DPYD: variants seen among roughly 807,000 people sequenced by gnomAD.
The protein encoded by DPYD is dihydropyrimidine dehydrogenase [NADP(+)].
A neutral mutation model predicts 116.2 loss-of-function variants in DPYD; 109 were observed. The ratio of observed to expected loss-of-function variants is 0.94; its 90% CI spans 0.80 to 1.10. DPYD has a LOEUF of 1.10. Among genes scored for constraint, DPYD ranks in the 50% least tolerant of loss-of-function variants. The probability of loss-of-function intolerance (pLI) is 0.00; values close to 1 mark genes in which losing one functional copy is unlikely to be tolerated. For missense variants in DPYD, 1,302 were observed against 1,254.5 expected, an observed-to-expected ratio of 1.04 and a Z score of -0.57; for synonymous variants, 440 against 432.0, an observed-to-expected ratio of 1.02 and a Z score of -0.23.
At chr1:97,402,241 C>T (rs1385550829) in intron 14 of DPYD, among the ~76,000 whole-genome samples, 1 of 152,048 alleles carries the variant, frequency 6.6e-6, no homozygotes, top group Admixed American at 6.6e-5. Flanking sequence ...GTACTGTCTT[C>T]CTATACATGA....
At chr1:97,134,366 T>A (rs772787262) in intron 20 of DPYD, among the ~76,000 whole-genome samples, 2 of 152,096 alleles carry the variant, frequency 1.3e-5, no homozygotes, top group Admixed American at 6.5e-5. Flanking sequence ...TCTCACATCG[T>A]ATGTATGAGC....
chr1:97,804,580 C>T (rs1213185948), intron 3 of DPYD, among the ~76,000 whole-genome samples: 2 of 151,664 alleles, frequency 1.3e-5, no homozygotes, highest in Admixed American at 6.6e-5. Context: ...CTTCCTACAC[C>T]AAAGTCAAAG....
intron 1 of DPYD, among the ~76,000 whole-genome samples, chr1:97,902,471 G>C (rs1007114276): frequency 1.3e-5 from 2 of 151,672 alleles, no homozygotes; most frequent in Admixed American, 6.6e-5. Context: ...GGATTTACTG[G>C]GTAAAACTGG....
intron 12 of DPYD, among the ~76,000 whole-genome samples, chr1:97,530,320 C>T (rs1468277051): frequency 6.6e-6 from 1 of 151,242 alleles, no homozygotes; most frequent in African/African-American, 2.4e-5. Context: ...CAGGTTCACG[C>T]CATTCTCCTG....
At chr1:97,354,855 T>A (rs1284790362) in intron 16 of DPYD, among the ~76,000 whole-genome samples, 1 of 152,208 alleles carries the variant, frequency 6.6e-6, no homozygotes, top group Non-Finnish European at 1.5e-5. Flanking sequence ...ATACCTGCCA[T>A]GTATCACATT....
intron 16 of DPYD, among the ~76,000 whole-genome samples, chr1:97,346,252 A>C (rs1228483707): frequency 6.6e-6 from 1 of 151,722 alleles, no homozygotes; most frequent in East Asian, 1.9e-4. Flanking sequence ...GTATAATTAC[A>C]AGTCTTTTTA....
intron 11 of DPYD, among the ~76,000 whole-genome samples, chr1:97,554,628 A>C (rs1483880982): frequency 2.6e-5 from 4 of 152,108 alleles, no homozygotes; most frequent in African/African-American, 9.7e-5. Context: ...ATAAATTCTA[A>C]TTACAAGGCC....
chr1:97,906,981 T>G (rs1673660950), intron 1 of DPYD, among the ~76,000 whole-genome samples: 1 of 152,074 alleles, frequency 6.6e-6, no homozygotes, highest in Admixed American at 6.6e-5. Flanking sequence ...GTTTCTTGAA[T>G]ACAAAGGACT....
At chr1:97,725,212 CAA>C (rs1466021573) in intron 4 of DPYD, among the ~76,000 whole-genome samples, 2 of 151,264 alleles carry the variant, frequency 1.3e-5, no homozygotes. Context: ...CAGCAACAAA[CAA>C]AATAAATTAT....
chr1:97,883,190 T>C (rs866756328), intron 2 of DPYD, 74 bp downstream of exon 2: 1 of 905,800 alleles, frequency 1.1e-6, no homozygotes, highest in South Asian at 1.4e-5. Flanking sequence ...TTTCTAAGTG[T>C]ATGTAAAATC....
chr1:97,214,842 A>G (rs1570686007), intron 19 of DPYD, among the ~76,000 whole-genome samples: 1 of 152,156 alleles, frequency 6.6e-6, no homozygotes, highest in East Asian at 1.9e-4. Flanking sequence ...TTCAAGTCTC[A>G]TCTTTCTCTG....
In DPYD at chr1:97,824,359, G is replaced by T. The variant is rs1341570596; in HGVS notation, c.233+3755C>A. 2.0e-5 allele frequency among the ~76,000 whole-genome samples: 3 copies of T among 152,162 alleles called. 1 individual carries two copies. The highest frequency in any genetic ancestry group is 4.4e-5 in the Non-Finnish European group (3 of 68,024). On this transcript the variant is annotated intron_variant, in intron 3 of 22. Transcript: ENST00000370192. ...TTCACTCTGGCCTCTCCATTGTTGA[G>T]AACTCTGTTAAGTGAGAGGCAGTCA...
At chr1:97,305,818 C>CT (rs573329565) in intron 17 of DPYD, among the ~76,000 whole-genome samples, 34 of 151,894 alleles carry the variant, frequency 2.2e-4, no homozygotes, top group African/African-American at 7.2e-4. Flanking sequence ...ATTGAATTTT[C>CT]TTTTTTTCTT....
chr1:97,286,065 T>A (rs1485246394), intron 18 of DPYD, among the ~76,000 whole-genome samples: 3 of 152,318 alleles, frequency 2.0e-5, no homozygotes, highest in East Asian at 1.9e-4. Flanking sequence ...GAACCGGTTG[T>A]TCCTTTCCAT....
chr1:97,294,072 G>T (rs905618790), intron 18 of DPYD, among the ~76,000 whole-genome samples: 1 of 151,976 alleles, frequency 6.6e-6, no homozygotes. Flanking sequence ...TGGAGGAGTC[G>T]ATATGAAGGA....
chr1:97,560,454 G>A (rs986342724), intron 11 of DPYD, among the ~76,000 whole-genome samples: 4 of 151,512 alleles, frequency 2.6e-5, no homozygotes, highest in African/African-American at 9.7e-5. Context: ...AAAGTATCTG[G>A]CAAAGACATA....
At chr1:97,663,380 A>C (rs1174004461) in intron 8 of DPYD, among the ~76,000 whole-genome samples, 1 of 152,158 alleles carries the variant, frequency 6.6e-6, no homozygotes, top group Non-Finnish European at 1.5e-5. Context: ...TATTTCTTAG[A>C]TCTTTACCCT....
At chr1:97,887,589 AT>A (rs1672571102) in intron 1 of DPYD, among the ~76,000 whole-genome samples, 1 of 151,594 alleles carries the variant, frequency 6.6e-6, no homozygotes, top group Non-Finnish European at 1.5e-5. Flanking sequence ...TCAGTCTTCA[AT>A]TTAAAAAAGT....
chr1:97,219,806 A>C (rs1292602493), intron 19 of DPYD, among the ~76,000 whole-genome samples: 1 of 151,952 alleles, frequency 6.6e-6, no homozygotes, highest in Non-Finnish European at 1.5e-5. Context: ...CTTTGGAGAC[A>C]CTTCACTCCT....
Sources: gnomAD v4.1 joint callset for allele counts (sites outside exome capture counted in the v4.1 genomes callset) on GRCh38, gnomAD v4.1.1 for gene constraint, MANE v1.5 for transcripts, NCBI Gene and HGNC (gene_info 2026-07-23, HGNC 2026-07-21) for gene names.